Variants in ZNF845 observed in about 807,000 individuals in gnomAD.
ZNF845 encodes the protein zinc finger protein 845.
A neutral mutation model predicts 76.1 loss-of-function variants in ZNF845; 59 were observed. The observed-to-expected ratio is 0.78, with a 90% CI of 0.63 to 0.96. The LOEUF (loss-of-function observed/expected upper bound fraction) is 0.96, where lower values mean the gene tolerates loss of function less well. Among genes scored for constraint, ZNF845 ranks in the 40% least tolerant of loss-of-function variants. The pLI, the probability that ZNF845 is intolerant of heterozygous loss-of-function variation, is 0.00. For missense variants in ZNF845, 1,045 were observed against 1,172.8 expected, an observed-to-expected ratio of 0.89 and a Z score of 1.59; for synonymous variants, 361 against 386.9, an observed-to-expected ratio of 0.93 and a Z score of 0.78.
Position 53,354,737 on chromosome 19 carries a change from T to C in ZNF845, c.*1149T>C, listed in dbSNP as rs946276187. On this transcript the variant is annotated 3_prime_UTR_variant, in exon 4 of 4. Transcript: ENST00000458035. Reference sequence around the variant, plus strand: ...TATTAAGTTTCATAGCAAATTGAAGTGTGTTCATAAGTTTCTTTAAACATT... The same window carrying C: ...TATTAAGTTTCATAGCAAATTGAAGCGTGTTCATAAGTTTCTTTAAACATT... 1.3e-5 allele frequency: 2 copies of C among 152,238 alleles called. No individual in the cohort carries two copies. The highest frequency in any genetic ancestry group is 2.9e-5 in the Non-Finnish European group (2 of 68,042). 9.4% of individuals were successfully genotyped at this position (152,238 alleles called of 1,614,324 possible).
chr19:53,340,174 CCTGAG>C (rs1463908903), intron 1 of ZNF845, among the ~76,000 whole-genome samples: 1 of 152,246 alleles, frequency 6.6e-6, no homozygotes, highest in East Asian at 1.9e-4. Flanking sequence ...GCCTCAGCCT[CCTGAG>C]CAGTGGCGAT....
chr19:53,345,993 A>AC (rs2085293908), intron 3 of ZNF845, among the ~76,000 whole-genome samples: 1 of 151,298 alleles, frequency 6.6e-6, no homozygotes, highest in Non-Finnish European at 1.5e-5. Context: ...ACAGGTGCCA[A>AC]CCCCCATACC....
At chr19:53,335,421 C>T (rs1453195992) in intron 1 of ZNF845, among the ~76,000 whole-genome samples, 1 of 151,810 alleles carries the variant, frequency 6.6e-6, no homozygotes, top group Non-Finnish European at 1.5e-5. Flanking sequence ...CCACCAAGTC[C>T]GGCTAGGTTT....
At position 53,356,698 on chromosome 19, in the gene ZNF845, G is replaced by A. The variant is rs1271087201; in HGVS notation, c.*3110G>A. 6.6e-6 allele frequency: 1 copy of A among 152,212 alleles called. No homozygotes were observed. The highest frequency in any genetic ancestry group is 1.5e-5 in the Non-Finnish European group (1 of 68,058). 9.4% of individuals were successfully genotyped at this position (152,212 alleles called of 1,614,324 possible). A position where few individuals can be genotyped will look rare whatever the true frequency, so the allele number is the denominator to read the frequency against. The stretch of plus-strand genomic sequence containing the variant: ...TAATCCCAGCACTTTGGGAGGCTAA[G>A]GTGGGCGGATCACGAGGTCAGGAGA... On this transcript the variant is annotated 3_prime_UTR_variant, in exon 4 of 4. Transcript: ENST00000458035.
chr19:53,340,968 CCTT>C lies in ZNF845; in HGVS notation c.-73-264_-73-262del, dbSNP rs749675671. 9.5e-5 allele frequency: 43 copies of C among 451,290 alleles called. No individual in the cohort carries two copies. The South Asian group carries it at 1.7e-3, about 18-fold the overall frequency. The allele number at this position is 451,290 out of a possible 1,614,324, so 28.0% of individuals were successfully genotyped here. ...TCCCCAGGTCTCTGTTCTGATATCA[CCTT>C]CTCAGTGGGGACTTCTGTGACCCAC... is the stretch of plus-strand genomic sequence containing the variant. On this transcript the variant is annotated intron_variant, in intron 1 of 3. Coordinates refer to ENST00000458035, the MANE Select transcript of ZNF845 (RefSeq NM_138374.3).
chr19:53,347,442 GTT>G (rs11353009), intron 3 of ZNF845, among the ~76,000 whole-genome samples: 11 of 147,884 alleles, frequency 7.4e-5, no homozygotes, highest in Middle Eastern at 3.5e-3. Flanking sequence ...ACACCTGGCT[GTT>G]TTTTTTTTTT....
Position 53,354,001 on chromosome 19 carries a change from T to G in ZNF845, c.*413T>G, listed in dbSNP as rs1280262066. The G allele has an allele frequency of 2.0e-6, 1 of 496,168 alleles. No homozygotes were observed. The highest frequency in any genetic ancestry group is 2.0e-5 in the African/African-American group (1 of 50,172). The allele number at this position is 496,168 out of a possible 1,614,324, so 30.7% of individuals were successfully genotyped here. A position where few individuals can be genotyped will look rare whatever the true frequency, so the allele number is the denominator to read the frequency against. ...GGTGAACTCATGCTGGAGAGAAACCTTACAAATGTCATGATTGTGGCAAGG... is the reference window on the plus strand; with the variant it reads ...GGTGAACTCATGCTGGAGAGAAACCGTACAAATGTCATGATTGTGGCAAGG... On this transcript the variant is annotated 3_prime_UTR_variant, in exon 4 of 4. Coordinates refer to ENST00000458035, the MANE Select transcript of ZNF845 (RefSeq NM_138374.3).
chr19:53,334,835 A>C (rs932786334), intron 1 of ZNF845, among the ~76,000 whole-genome samples: 1 of 151,952 alleles, frequency 6.6e-6, no homozygotes, highest in Non-Finnish European at 1.5e-5. Flanking sequence ...ACTTGAGCCC[A>C]GGAGGTCCAG....
intron 3 of ZNF845, 146 bp downstream of exon 3, chr19:53,345,778 G>T: frequency 6.7e-7 from 1 of 1,500,054 alleles, no homozygotes; most frequent in East Asian, 2.3e-5. Flanking sequence ...GAATTCCTGG[G>T]CTCATGTGAT....
At chr19:53,340,523 T>C (rs1327725400) in intron 1 of ZNF845, among the ~76,000 whole-genome samples, 2 of 152,174 alleles carry the variant, frequency 1.3e-5, no homozygotes, top group Admixed American at 6.6e-5. Flanking sequence ...CGTAAACGCA[T>C]TCCCCCATGC....
intron 2 of ZNF845, among the ~76,000 whole-genome samples, chr19:53,342,172 T>C (rs1024302826): frequency 6.6e-6 from 1 of 151,756 alleles, no homozygotes; most frequent in Non-Finnish European, 1.5e-5. Context: ...TGAAGTGCAG[T>C]GGCATGATCT....
At chr19:53,343,524 C>G (rs758333201) in intron 2 of ZNF845, among the ~76,000 whole-genome samples, 5 of 152,134 alleles carry the variant, frequency 3.3e-5, no homozygotes, top group Non-Finnish European at 7.3e-5. Context: ...CCAATGTATC[C>G]TCTTCTACCA....
chr19:53,350,388 T>C (rs1301535460), intron 3 of ZNF845, among the ~76,000 whole-genome samples: 1 of 152,230 alleles, frequency 6.6e-6, no homozygotes, highest in Non-Finnish European at 1.5e-5. Context: ...TACATGAGCT[T>C]GTTGTGGATT....
In ZNF845 at chr19:53,345,537, A is replaced by T; in HGVS notation, c.47A>T (p.Glu16Val). The T allele has an allele frequency of 1.2e-6, 2 of 1,613,492 alleles. No individual in the cohort carries two copies. The highest frequency in any genetic ancestry group is 2.7e-5 in the African/African-American group (2 of 75,014). ...GLLTFRDVAI[E>V]FSQEEWKCLD... Reference sequence around the variant, plus strand: ...TTGACATTCAGGGATGTGGCCATAGAATTCTCTCAGGAAGAGTGGAAGTGC... The same window carrying T: ...TTGACATTCAGGGATGTGGCCATAGTATTCTCTCAGGAAGAGTGGAAGTGC... The change falls in exon 3 of 4, where the codon GAA (glutamate) becomes GTA (valine). Residue 16 changes from glutamate (E) to valine (V), a missense_variant. Physicochemically the swap from Glu to Val is moderately radical, Grantham distance 121. Transcript: ENST00000458035.
Position 53,333,947 on chromosome 19 carries a change from T to G in ZNF845, c.-74+155T>G, listed in dbSNP as rs1424872690. Among the ~76,000 whole-genome samples, 14 of 152,314 alleles carry G rather than the reference T, an allele frequency of 9.2e-5. No individual in the cohort carries two copies. The South Asian group carries it at 2.3e-3, about 25-fold the overall frequency. ...GTCCTCGTCAGAGTCCAGGGGTCGC[T>G]TCCTTTTGGGTTTAAAGTCGCCCTG... On this transcript the variant is annotated intron_variant, in intron 1 of 3. Transcript: ENST00000458035.
chr19:53,339,049 G>A (rs1174256343), intron 1 of ZNF845, among the ~76,000 whole-genome samples: 2 of 152,138 alleles, frequency 1.3e-5, no homozygotes, highest in Non-Finnish European at 2.9e-5. Flanking sequence ...GCAGTGAGCC[G>A]AGATCGCGCC....
At chr19:53,342,858 G>T (rs2085266510) in intron 2 of ZNF845, among the ~76,000 whole-genome samples, 2 of 151,940 alleles carry the variant, frequency 1.3e-5, no homozygotes, top group Non-Finnish European at 1.5e-5. Context: ...TGCTCTTGTT[G>T]CCCACGCTGG....
In ZNF845 at chr19:53,352,408, T is replaced by C. The variant is rs753838395; in HGVS notation, c.1733T>C (p.Leu578Pro). 30 of 1,613,700 alleles carry C rather than the reference T, an allele frequency of 1.9e-5. No homozygotes were observed. Among genetic ancestry groups the C allele is most frequent in the Admixed American group, 3.3e-5 (2 of 59,978 alleles). Residue 578 changes from leucine to proline, a missense_variant, in exon 4 of 4, where the codon CTT (leucine) becomes CCT (proline). Leu to Pro is a moderately conservative substitution (Grantham distance 98). Transcript: ENST00000458035. The part of the protein sequence containing the change: ...YHQAIHGIGK[L>P]YKCNDCHQVF... ...CAAGCAATCCATGGTATAGGGAAAC[T>C]TTACAAATGTAATGATTGTCACCAA...
At chr19:53,339,132 G>A (rs1418694859) in intron 1 of ZNF845, among the ~76,000 whole-genome samples, 8 of 152,060 alleles carry the variant, frequency 5.3e-5, no homozygotes, top group Admixed American at 5.2e-4. Flanking sequence ...TAATGTAAAT[G>A]TGGAGCACAA....
Sources: allele counts gnomAD v4.1 joint callset (sites outside exome capture counted in the v4.1 genomes callset), GRCh38; gene constraint gnomAD v4.1.1; transcripts MANE v1.5; gene names NCBI Gene and HGNC (gene_info 2026-07-23, HGNC 2026-07-21).